The following PCDHGA8 variants were observed in gnomAD, a reference collection of about 807,000 sequenced individuals.
PCDHGA8 encodes protocadherin gamma subfamily A, 8, also known as protocadherin gamma-A8.
Under a neutral mutation model 59.2 loss-of-function variants are expected in PCDHGA8, and 45 were observed. That is an observed-to-expected ratio of 0.76 (90% confidence interval 0.60 to 0.98). The LOEUF (loss-of-function observed/expected upper bound fraction) is 0.98. Among genes scored for constraint, PCDHGA8 ranks in the 50% least tolerant of loss-of-function variants. The pLI is 0.00. For synonymous variants in PCDHGA8, 531 were observed against 519.0 expected, an observed-to-expected ratio of 1.02 and a Z score of -0.32; for missense variants, 1,257 against 1,196.2, an observed-to-expected ratio of 1.05 and a Z score of -0.75.
chr5:141,420,857 C>T (rs1342820721), intron 1 of PCDHGA8, among the ~76,000 whole-genome samples: 1 of 152,220 alleles, frequency 6.6e-6, no homozygotes, highest in Non-Finnish European at 1.5e-5. Context: ...AAAGTTTTAA[C>T]GTCACATAAT....
chr5:141,444,281 C>T (rs1256106299), intron 1 of PCDHGA8, among the ~76,000 whole-genome samples: 1 of 146,976 alleles, frequency 6.8e-6, no homozygotes, highest in African/African-American at 2.5e-5. Context: ...AAGTGATTCT[C>T]CTGCCTCAGC....
In PCDHGA8 at chr5:141,477,767, A is replaced by G. The variant is rs1178354274; in HGVS notation, c.2425-17040A>G. 6.2e-7 allele frequency: 1 copy of G among 1,613,906 alleles called. No homozygotes were observed. The highest frequency in any genetic ancestry group is 8.5e-7 in the Non-Finnish European group (1 of 1,180,038). On this transcript the variant is annotated intron_variant, in intron 1 of 3. Coordinates refer to ENST00000398604, the MANE Select transcript of PCDHGA8 (RefSeq NM_032088.2). The surrounding 1 kb of genome is among the most constrained non-coding windows in gnomAD (Gnocchi z 4.9). ...GGGCACCCCGGTCCTAGCCACCAAC[A>G]TCAGCGTGAACATATTTGTCACTGA...
chr5:141,432,090 A>T lies in PCDHGA8; in HGVS notation c.2424+36853A>T. 1 of 1,614,164 alleles carries T rather than the reference A, an allele frequency of 6.2e-7. No homozygotes were observed. Among genetic ancestry groups the T allele is most frequent in the Non-Finnish European group, 8.5e-7 (1 of 1,180,034 alleles). On this transcript the variant is annotated intron_variant, in intron 1 of 3. Transcript: ENST00000398604. The surrounding 1 kb of genome is among the most constrained non-coding windows in gnomAD (Gnocchi z 6.0). ...ACTCATATCTCGCTGAACGTGGCAG[A>T]CACCAACGACAACCCGCCGGTCTTC... is the stretch of plus-strand genomic sequence containing the variant.
Position 141,491,302 on chromosome 5 carries a change from T to TC in PCDHGA8, c.2425-3504dup. The TC allele has an allele frequency of 6.2e-7, 1 of 1,614,126 alleles. No individual in the cohort carries two copies. Among genetic ancestry groups the TC allele is most frequent in the Non-Finnish European group, 8.5e-7 (1 of 1,180,000 alleles). On this transcript the variant is annotated intron_variant, in intron 1 of 3. Transcript: ENST00000398604. The surrounding 1 kb of genome is among the most constrained non-coding windows in gnomAD (Gnocchi z 6.9). ...CTTCCTCATACACCCTCCTGAGCGT[T>TC]CAGACCTTACCCTTTACCTCATTGT... is the stretch of plus-strand genomic sequence containing the variant.
At chr5:141,478,295 T>C (rs1210224121) in intron 1 of PCDHGA8, 5 of 1,614,004 alleles carry the variant, frequency 3.1e-6, no homozygotes, top group African/African-American at 2.7e-5. Flanking sequence ...TAGAGACCTA[T>C]ACCGAGCCCC....
intron 1 of PCDHGA8, chr5:141,422,606 C>A: frequency 6.2e-7 from 1 of 1,613,904 alleles, no homozygotes; most frequent in Non-Finnish European, 8.5e-7. Context: ...TCTTACTCTG[C>A]CTACATTCCC....
chr5:141,429,858 A>T (rs1183727412), intron 1 of PCDHGA8, among the ~76,000 whole-genome samples: 1 of 152,192 alleles, frequency 6.6e-6, no homozygotes, highest in East Asian at 1.9e-4. Context: ...CATTCTTTGG[A>T]CTACCAATTT....
chr5:141,451,001 A>G (rs909477017), intron 1 of PCDHGA8, among the ~76,000 whole-genome samples: 1 of 148,266 alleles, frequency 6.7e-6, no homozygotes, highest in African/African-American at 2.5e-5. Context: ...ATTTTTTTGT[A>G]TTTTTTTTAG....
chr5:141,497,060 G>A (rs1244885752), intron 2 of PCDHGA8, among the ~76,000 whole-genome samples: 1 of 151,952 alleles, frequency 6.6e-6, no homozygotes, highest in African/African-American at 2.4e-5. Context: ...GTGGTGGCAG[G>A]CACCTGTAAT....
chr5:141,504,956 G>A (rs1327603937), intron 2 of PCDHGA8, among the ~76,000 whole-genome samples: 1 of 152,096 alleles, frequency 6.6e-6, no homozygotes, highest in Non-Finnish European at 1.5e-5. Context: ...TATGTTCAAT[G>A]CATTGGACCA....
rs760017836 is a variant in PCDHGA8, at chr5:141,432,060, C to G, written c.2424+36823C>G. 1.2e-6 allele frequency: 2 copies of G among 1,614,200 alleles called. No homozygotes were observed. The highest frequency in any genetic ancestry group is 1.7e-6 in the Non-Finnish European group (2 of 1,180,048). ...GACCGGGGAACCCCGCCCCTATCCACGGAAACTCATATCTCGCTGAACGTG... is the reference window on the plus strand; with the variant it reads ...GACCGGGGAACCCCGCCCCTATCCAGGGAAACTCATATCTCGCTGAACGTG... On this transcript the variant is annotated intron_variant, in intron 1 of 3. Coordinates refer to ENST00000398604, the MANE Select transcript of PCDHGA8 (RefSeq NM_032088.2). The surrounding 1 kb of genome is among the most constrained non-coding windows in gnomAD (Gnocchi z 6.0).
Position 141,476,115 on chromosome 5 carries a change from A to G in PCDHGA8, c.2425-18692A>G. 1 of 1,592,814 alleles carries G rather than the reference A, an allele frequency of 6.3e-7. No homozygotes were observed. The highest frequency in any genetic ancestry group is 8.5e-7 in the Non-Finnish European group (1 of 1,171,734). On this transcript the variant is annotated intron_variant, in intron 1 of 3. Coordinates refer to ENST00000398604, the MANE Select transcript of PCDHGA8 (RefSeq NM_032088.2). This position sits in a 1 kb window ranked among gnomAD's most constrained non-coding sequence, Gnocchi z 7.6. ...CGCTGAGAGGAACTGCTTTTGAGTG[A>G]GATGGTCCCAGAGGCCTGGAGGAGC...
intron 3 of PCDHGA8, 137 bp from the exon 4 acceptor site, chr5:141,510,810 A>T: frequency 6.6e-7 from 1 of 1,519,768 alleles, no homozygotes; most frequent in African/African-American, 1.4e-5. Context: ...TACCTTGGTG[A>T]CCCCTATATT....
At chr5:141,412,601 A>G (rs2095565422) in intron 1 of PCDHGA8, 1 of 152,188 alleles carries the variant, frequency 6.6e-6, no homozygotes, top group African/African-American at 2.4e-5. Context: ...ACTAAATAAA[A>G]TTGGCCTATT....
intron 1 of PCDHGA8, chr5:141,423,620 C>T: frequency 6.2e-7 from 1 of 1,608,268 alleles, no homozygotes; most frequent in Middle Eastern, 1.7e-4. Context: ...GCTGAAGACT[C>T]AGCTATCATT....
At chr5:141,495,277 G>A (rs2099760037) in intron 2 of PCDHGA8, among the ~76,000 whole-genome samples, 1 of 152,168 alleles carries the variant, frequency 6.6e-6, no homozygotes, top group African/African-American at 2.4e-5. Context: ...ACCGGAGGAG[G>A]CGGTCCGCAC....
intron 1 of PCDHGA8, chr5:141,400,192 G>T (rs1411721247): frequency 6.2e-7 from 1 of 1,614,088 alleles, no homozygotes; most frequent in South Asian, 1.1e-5. Flanking sequence ...GTTTTACCTA[G>T]TGGTGGCCTT....
intron 1 of PCDHGA8, chr5:141,426,995 C>A (rs772977735): frequency 2.2e-6 from 1 of 456,694 alleles, no homozygotes; most frequent in South Asian, 1.5e-5. Context: ...ACGATAATGC[C>A]CCAGTTTTTA....
rs1030000451 is a variant in PCDHGA8, at chr5:141,432,417, T to G, written c.2424+37180T>G. 2.5e-6 allele frequency: 4 copies of G among 1,614,124 alleles called. No individual in the cohort carries two copies. In the African/African-American group the frequency reaches 5.3e-5, roughly 22 times the overall value. On this transcript the variant is annotated intron_variant, in intron 1 of 3. Coordinates refer to ENST00000398604, the MANE Select transcript of PCDHGA8 (RefSeq NM_032088.2). This position sits in a 1 kb window ranked among gnomAD's most constrained non-coding sequence, Gnocchi z 6.0. The stretch of plus-strand genomic sequence containing the variant: ...AACGTGTCGTTGAGCCTGTTCGTGC[T>G]GGACCAGAACGACAATGCGCCCGAG...
Sources: gnomAD v4.1 joint callset for allele counts (sites outside exome capture counted in the v4.1 genomes callset) on GRCh38, gnomAD v4.1.1 for gene constraint, Gnocchi (gnomAD v3.1) non-coding constraint, MANE v1.5 for transcripts, NCBI Gene and HGNC (gene_info 2026-07-23, HGNC 2026-07-21) for gene names.